MAGI2: variants seen among roughly 807,000 people sequenced by gnomAD.
MAGI2 encodes membrane-associated guanylate kinase, WW and PDZ domain-containing protein 2.
A neutral mutation model predicts 133.3 loss-of-function variants in MAGI2; 35 were observed. The observed-to-expected ratio is 0.26, with a 90% CI of 0.20 to 0.35. MAGI2 has a LOEUF of 0.35. MAGI2 is among the 10% of genes least tolerant of loss of function. The pLI is 1.00. For missense variants in MAGI2, 1,636 were observed against 1,863.4 expected (o/e 0.88, Z 2.25); for synonymous variants, 729 against 710.6 (o/e 1.03, Z -0.41).
chr7:78,674,032 C>T (rs766906258), intron 2 of MAGI2, among the ~76,000 whole-genome samples: 2 of 151,976 alleles, frequency 1.3e-5, no homozygotes, highest in Non-Finnish European at 1.5e-5. Context: ...AACAAATGAC[C>T]CACTGGCTTA....
intron 4 of MAGI2, among the ~76,000 whole-genome samples, chr7:78,501,995 T>G (rs771241088): frequency 6.6e-6 from 1 of 152,202 alleles, no homozygotes; most frequent in Non-Finnish European, 1.5e-5. Flanking sequence ...CTAATTATTA[T>G]TGTTTACAGA....
At chr7:79,002,078 T>C (rs1017141367) in intron 2 of MAGI2, among the ~76,000 whole-genome samples, 23 of 152,162 alleles carry the variant, frequency 1.5e-4, no homozygotes, top group African/African-American at 5.1e-4. Context: ...AAATCTTATA[T>C]AGCCTGAAAT....
chr7:78,316,013 T>C (rs1160250527), intron 9 of MAGI2, among the ~76,000 whole-genome samples: 1 of 152,198 alleles, frequency 6.6e-6, no homozygotes. Context: ...ATCGGGAGTC[T>C]CTGGGTTTGG....
At chr7:79,396,204 ACTTGTTCT>A (rs1250318328) in intron 1 of MAGI2, among the ~76,000 whole-genome samples, 1 of 151,870 alleles carries the variant, frequency 6.6e-6, no homozygotes, top group Non-Finnish European at 1.5e-5. Flanking sequence ...CAGCCATAGG[ACTTGTTCT>A]CAGCAGCAAA....
At chr7:78,059,062 C>G (rs1419011417) in intron 21 of MAGI2, among the ~76,000 whole-genome samples, 2 of 152,176 alleles carry the variant, frequency 1.3e-5, no homozygotes, top group Non-Finnish European at 2.9e-5. Flanking sequence ...TTTAGTTTCT[C>G]ATTACCCCAT....
chr7:78,894,389 AAACAAACAAAGC>A (rs1276431327), intron 2 of MAGI2, among the ~76,000 whole-genome samples: 3 of 152,334 alleles, frequency 2.0e-5, no homozygotes, highest in African/African-American at 7.2e-5. Flanking sequence ...CTCTGTCTCA[AAACAAACAAAGC>A]AACAAACAAA....
chr7:78,777,960 G>A (rs1826116103), intron 2 of MAGI2, among the ~76,000 whole-genome samples: 1 of 152,106 alleles, frequency 6.6e-6, no homozygotes, highest in South Asian at 2.1e-4. Context: ...TGCTTCATAT[G>A]ACTGAAAGGA....
intron 9 of MAGI2, among the ~76,000 whole-genome samples, chr7:78,291,161 T>C (rs1453527385): frequency 6.6e-6 from 1 of 151,384 alleles, no homozygotes; most frequent in East Asian, 1.9e-4. Flanking sequence ...TTTGAAAAGA[T>C]CAACAAAACT....
intron 9 of MAGI2, among the ~76,000 whole-genome samples, chr7:78,315,661 C>T (rs373239782): frequency 3.3e-5 from 5 of 152,256 alleles, no homozygotes; most frequent in South Asian, 2.1e-4. Flanking sequence ...CTATTATATT[C>T]AGAATTGCAA....
chr7:78,653,880 C>T (rs1046449009), intron 2 of MAGI2, among the ~76,000 whole-genome samples: 3 of 151,656 alleles, frequency 2.0e-5, no homozygotes, highest in Non-Finnish European at 4.4e-5. Flanking sequence ...ACTCTGAGGT[C>T]AAAAGATTCT....
At chr7:79,368,377 ACACATTTGCAG>A (rs1174817794) in intron 1 of MAGI2, among the ~76,000 whole-genome samples, 2 of 152,100 alleles carry the variant, frequency 1.3e-5, no homozygotes, top group African/African-American at 4.8e-5. Context: ...CTCAGATGAT[ACACATTTGCAG>A]CATAGTTTTG....
chr7:79,155,876 G>A (rs1030481366), intron 1 of MAGI2, among the ~76,000 whole-genome samples: 1 of 152,114 alleles, frequency 6.6e-6, no homozygotes, highest in African/African-American at 2.4e-5. Context: ...TTAAAAAAAT[G>A]TTATACTGAT....
intron 2 of MAGI2, among the ~76,000 whole-genome samples, chr7:78,649,560 A>G (rs1271196019): frequency 6.6e-6 from 1 of 152,238 alleles, no homozygotes; most frequent in Non-Finnish European, 1.5e-5. Context: ...GATTCAAAAT[A>G]GAAGTGAGAC....
intron 6 of MAGI2, among the ~76,000 whole-genome samples, chr7:78,468,878 T>C (rs1216101857): frequency 6.6e-6 from 1 of 152,118 alleles, no homozygotes; most frequent in Non-Finnish European, 1.5e-5. Flanking sequence ...AGGTTAATAA[T>C]AGCAAAATCA....
intron 9 of MAGI2, among the ~76,000 whole-genome samples, chr7:78,272,389 C>T (rs1394848991): frequency 1.3e-4 from 19 of 151,704 alleles, no homozygotes; most frequent in East Asian, 3.9e-4. Context: ...ATAAATGCGA[C>T]GTGGTGCTGA....
chr7:78,841,774 T>C (rs1792164327), intron 2 of MAGI2, among the ~76,000 whole-genome samples: 1 of 152,042 alleles, frequency 6.6e-6, no homozygotes, highest in South Asian at 2.1e-4. Context: ...GAATTCCTGT[T>C]GTGTGGAAGA....
At chr7:78,781,575 G>A (rs1826405448) in intron 2 of MAGI2, among the ~76,000 whole-genome samples, 1 of 151,976 alleles carries the variant, frequency 6.6e-6, no homozygotes, top group African/African-American at 2.4e-5. Context: ...GAACTAAATT[G>A]AGGAACAACT....
chr7:78,872,590 A>G (rs1795119008), intron 2 of MAGI2, among the ~76,000 whole-genome samples: 1 of 144,588 alleles, frequency 6.9e-6, no homozygotes. Context: ...TTATATCAGG[A>G]ATAAGACAAG....
At chr7:78,247,297 T>C (rs1244684047) in intron 10 of MAGI2, among the ~76,000 whole-genome samples, 2 of 152,098 alleles carry the variant, frequency 1.3e-5, no homozygotes, top group East Asian at 1.9e-4. Flanking sequence ...CAAATGTTAA[T>C]TGCAGCTGAA....
Sources: gnomAD v4.1 joint callset for allele counts (sites outside exome capture counted in the v4.1 genomes callset) on GRCh38, gnomAD v4.1.1 for gene constraint, MANE v1.5 for transcripts, NCBI Gene and HGNC (gene_info 2026-07-23, HGNC 2026-07-21) for gene names.